The following TENM2 variants were observed in gnomAD, a reference collection of about 807,000 sequenced individuals.
The protein encoded by TENM2 is teneurin-2.
Under a neutral mutation model 245.2 loss-of-function variants are expected in TENM2, and 52 were observed. The observed-to-expected ratio is 0.21, with a 90% CI of 0.17 to 0.27. TENM2 has a LOEUF of 0.27. TENM2 is among the 10% of genes least tolerant of loss of function. The pLI is 1.00. For synonymous variants in TENM2, 1,363 were observed against 1,438.9 expected (o/e 0.95, Z 1.19); for missense variants, 3,046 against 3,666.8 (o/e 0.83, Z 4.37).
chr5:167,636,259 T>C (rs1370831504), intron 2 of TENM2, among the ~76,000 whole-genome samples: 1 of 152,198 alleles, frequency 6.6e-6, no homozygotes, highest in African/African-American at 2.4e-5. Flanking sequence ...CTTTTGGAGA[T>C]GCAATTTAAA....
chr5:167,781,332 A>C (rs190286629), intron 2 of TENM2, among the ~76,000 whole-genome samples: 4 of 152,344 alleles, frequency 2.6e-5, no homozygotes, highest in Admixed American at 6.5e-5. Flanking sequence ...CATGTTACAA[A>C]ATAGTGATGC....
chr5:168,194,756 G>C (rs532205933), intron 14 of TENM2, among the ~76,000 whole-genome samples: 3 of 152,138 alleles, frequency 2.0e-5, no homozygotes, highest in Admixed American at 2.0e-4. Context: ...TGACATTCTG[G>C]CCTCTAGAAG....
At chr5:167,979,016 T>A (rs1782640482) in intron 4 of TENM2, among the ~76,000 whole-genome samples, 1 of 152,150 alleles carries the variant, frequency 6.6e-6, no homozygotes. Context: ...CAACACAAAA[T>A]ACCCAGTACA....
At chr5:167,183,743 A>G in the TENM2 span, among the ~76,000 whole-genome samples, 1,714 of 152,294 alleles carry the variant, frequency 0.011, 29 homozygotes, top group African/African-American at 0.038. Flanking sequence ...AAGCAAGCCA[A>G]CTTGCAAAAT....
intron 5 of TENM2, among the ~76,000 whole-genome samples, chr5:168,042,037 C>T (rs1190352514): frequency 6.6e-6 from 1 of 152,146 alleles, no homozygotes; most frequent in Non-Finnish European, 1.5e-5. Flanking sequence ...GTATATTTCC[C>T]CCAGGAGCCC....
intron 2 of TENM2, among the ~76,000 whole-genome samples, chr5:167,760,866 G>A (rs1762619566): frequency 1.3e-5 from 2 of 152,124 alleles, no homozygotes; most frequent in African/African-American, 4.8e-5. Flanking sequence ...AGTCAGGCTG[G>A]TCTCGAACTC....
intron 2 of TENM2, among the ~76,000 whole-genome samples, chr5:167,386,936 G>A (rs1761463293): frequency 1.3e-5 from 2 of 152,056 alleles, no homozygotes; most frequent in Non-Finnish European, 2.9e-5. Flanking sequence ...TTGAAATCAG[G>A]TAATGTGATG....
chr5:167,490,998 G>T (rs1207961254), intron 2 of TENM2, among the ~76,000 whole-genome samples: 5 of 152,208 alleles, frequency 3.3e-5, no homozygotes, highest in Admixed American at 1.3e-4. Context: ...AGTAAAAATC[G>T]CATGGGTCAT....
At chr5:168,048,154 G>A (rs1788772114) in intron 6 of TENM2, among the ~76,000 whole-genome samples, 1 of 146,228 alleles carries the variant, frequency 6.8e-6, no homozygotes, top group Non-Finnish European at 1.5e-5. Flanking sequence ...AAGCAATCAG[G>A]CAACTGTATC....
At chr5:168,202,157 C>T (rs1262300419) in intron 17 of TENM2, among the ~76,000 whole-genome samples, 1 of 152,138 alleles carries the variant, frequency 6.6e-6, no homozygotes. Flanking sequence ...TTCTGTACTT[C>T]CTTCCTCATC....
intron 2 of TENM2, among the ~76,000 whole-genome samples, chr5:167,731,294 A>G (rs1760420105): frequency 6.6e-6 from 1 of 151,674 alleles, no homozygotes; most frequent in African/African-American, 2.4e-5. Flanking sequence ...CCTCCGTTAC[A>G]GAGGGAATTT....
intron 2 of TENM2, among the ~76,000 whole-genome samples, chr5:167,797,597 A>G (rs1448129592): frequency 1.3e-5 from 2 of 152,192 alleles, no homozygotes; most frequent in African/African-American, 4.8e-5. Context: ...GTGGTGGGTA[A>G]ATAGAAACCC....
intron 9 of TENM2, among the ~76,000 whole-genome samples, chr5:168,107,158 C>T (rs1794311351): frequency 6.6e-6 from 1 of 152,188 alleles, no homozygotes; most frequent in African/African-American, 2.4e-5. Flanking sequence ...TTCCTCTTCC[C>T]ACCACCTGCC....
At chr5:167,327,724 T>C (rs1426768495) in intron 1 of TENM2, among the ~76,000 whole-genome samples, 1 of 152,098 alleles carries the variant, frequency 6.6e-6, no homozygotes, top group African/African-American at 2.4e-5. Context: ...GATCCAAGGA[T>C]GGAAAAGAGT....
At chr5:168,104,052 A>G (rs1405864274) in intron 9 of TENM2, among the ~76,000 whole-genome samples, 2 of 151,072 alleles carry the variant, frequency 1.3e-5, no homozygotes, top group African/African-American at 2.4e-5. Context: ...TTTTTGAGAC[A>G]GAGATTTGCT....
chr5:167,798,202 A>G (rs1332092327), intron 2 of TENM2, among the ~76,000 whole-genome samples: 1 of 152,204 alleles, frequency 6.6e-6, no homozygotes, highest in Non-Finnish European at 1.5e-5. Flanking sequence ...CAGAGTCTTG[A>G]CACCCCTACC....
At chr5:167,823,757 A>G (rs900636386) in intron 2 of TENM2, among the ~76,000 whole-genome samples, 1 of 152,134 alleles carries the variant, frequency 6.6e-6, no homozygotes, top group African/African-American at 2.4e-5. Context: ...TTAACCCTTA[A>G]AAAATAGTTT....
intron 7 of TENM2, among the ~76,000 whole-genome samples, chr5:168,071,865 TG>T (rs960454036): frequency 2.0e-5 from 3 of 152,064 alleles, no homozygotes; most frequent in South Asian, 2.1e-4. Context: ...CCCTCAGGGG[TG>T]GGGACTTTTA....
At chr5:168,161,848 A>G (rs1757775756) in intron 12 of TENM2, among the ~76,000 whole-genome samples, 1 of 151,890 alleles carries the variant, frequency 6.6e-6, no homozygotes, top group East Asian at 1.9e-4. Flanking sequence ...ACACACATCA[A>G]TAAAGGAAAA....
Sources: allele counts gnomAD v4.1 joint callset (sites outside exome capture counted in the v4.1 genomes callset), GRCh38; gene constraint gnomAD v4.1.1; transcripts MANE v1.5; gene names NCBI Gene and HGNC (gene_info 2026-07-23, HGNC 2026-07-21).